MYEF2: variants seen among roughly 807,000 people sequenced by gnomAD.
MYEF2 encodes myelin expression factor 2.
MYEF2 carries 37 observed loss-of-function variants against 75.2 expected under a neutral mutation model. That is an observed-to-expected ratio of 0.49 (90% CI 0.38 to 0.65). The LOEUF (loss-of-function observed/expected upper bound fraction) is 0.65. Ranked by LOEUF, MYEF2 falls within the 30% of genes least tolerant of loss-of-function variation. The pLI is 0.00. For missense variants in MYEF2, 634 were observed against 771.4 expected (o/e 0.82, Z 2.11); for synonymous variants, 195 against 241.6 (o/e 0.81, Z 1.79).
chr15:48,165,328 G>A (rs1373278291), intron 5 of MYEF2, among the ~76,000 whole-genome samples: 3 of 152,054 alleles, frequency 2.0e-5, no homozygotes, highest in African/African-American at 7.2e-5. Context: ...TCATTCTCAA[G>A]GTTAAACTGT....
rs752641969 is a variant in MYEF2, at chr15:48,134,896, T to A, written c.*8012A>T. 3.7e-6 allele frequency: 6 copies of A among 1,610,810 alleles called. No homozygotes were observed. Among genetic ancestry groups the A allele is most frequent in the Admixed American group, 1.7e-5 (1 of 59,904 alleles). On this transcript the variant is annotated 3_prime_UTR_variant, in exon 17 of 17. Coordinates refer to ENST00000324324, the MANE Select transcript of MYEF2 (RefSeq NM_016132.5). ...TACCATATTACAGGTCTCAACACTA[T>A]CATGTTGGCCCCTATTCAGAGACTG... is the stretch of plus-strand genomic sequence containing the variant.
In MYEF2 at chr15:48,136,968, T is replaced by C. The variant is rs779623303; in HGVS notation, c.*5940A>G. The stretch of plus-strand genomic sequence containing the variant: ...GCCTTAGTCAGGTTTCTGAAGGTAA[T>C]CACTAAATCTTGCCCATTATTAAGT... On this transcript the variant is annotated 3_prime_UTR_variant, in exon 17 of 17. Transcript: ENST00000324324. 1 of 1,601,502 alleles carries C rather than the reference T, an allele frequency of 6.2e-7. No individual in the cohort carries two copies. Among genetic ancestry groups the C allele is most frequent in the Non-Finnish European group, 8.5e-7 (1 of 1,171,710 alleles).
At chr15:48,171,178 C>T (rs2040327975) in intron 1 of MYEF2, among the ~76,000 whole-genome samples, 1 of 152,180 alleles carries the variant, frequency 6.6e-6, no homozygotes, top group Non-Finnish European at 1.5e-5. Context: ...CCTTTCTTTT[C>T]AATTCCCAAA....
chr15:48,178,015 T>C (rs1196511909), intron 1 of MYEF2, 62 bp downstream of exon 1: 5 of 1,536,462 alleles, frequency 3.3e-6, no homozygotes, highest in Non-Finnish European at 3.5e-6. Context: ...GCCCGGCCTC[T>C]AGCCGCCCGG....
chr15:48,166,192 T>G, intron 3 of MYEF2, 64 bp from the exon 4 acceptor site: 2 of 1,304,008 alleles, frequency 1.5e-6, no homozygotes, highest in Non-Finnish European at 2.1e-6. Flanking sequence ...GTACATGAAG[T>G]TAATAATCAG....
At chr15:48,159,893 C>A in intron 5 of MYEF2, 89 bp from the exon 6 acceptor site, 9 of 1,318,902 alleles carry the variant, frequency 6.8e-6, no homozygotes, top group Non-Finnish European at 9.4e-6. Context: ...CAGTAGCTAT[C>A]CTGTCTGGCT....
intron 10 of MYEF2, chr15:48,153,579 T>C (rs890268160): frequency 3.0e-5 from 15 of 495,188 alleles, no homozygotes; most frequent in Non-Finnish European, 4.7e-5. Flanking sequence ...AGCTACAACA[T>C]AGCTGGCCCC....
At position 48,151,576 on chromosome 15, in the gene MYEF2, A is replaced by T; in HGVS notation, c.1208-5T>A. 6.3e-7 allele frequency: 1 copy of T among 1,598,866 alleles called. No homozygotes were observed. ...TCATCGCACCACGGTACAGCTCTGA[A>T]AAAATTGTGCAACAAATTAACCTTT... On this transcript the variant is annotated splice_region_variant and splice_polypyrimidine_tract_variant and intron_variant, in intron 12 of 16. Coordinates refer to ENST00000324324, the MANE Select transcript of MYEF2 (RefSeq NM_016132.5).
Position 48,139,079 on chromosome 15 carries a change from A to T in MYEF2, c.*3829T>A. The T allele has an allele frequency of 6.2e-7, 1 of 1,613,140 alleles. No individual in the cohort carries two copies. Among genetic ancestry groups the T allele is most frequent in the South Asian group, 1.1e-5 (1 of 91,038 alleles). On this transcript the variant is annotated 3_prime_UTR_variant, in exon 17 of 17. Coordinates refer to ENST00000324324, the MANE Select transcript of MYEF2 (RefSeq NM_016132.5). Reference sequence around the variant, plus strand: ...TCTAACCACACCAGATTGTAGAAAAAAGTTTTGGAAAAACTACTTTGTGAT... The same window carrying T: ...TCTAACCACACCAGATTGTAGAAAATAGTTTTGGAAAAACTACTTTGTGAT...
In MYEF2 at chr15:48,142,968, T is replaced by G; in HGVS notation, c.1743A>C (p.Ile581=). Residue 581 remains isoleucine (I), a synonymous_variant, in exon 17 of 17, where the codon ATA becomes ATC. Coordinates refer to ENST00000324324, the MANE Select transcript of MYEF2 (RefSeq NM_016132.5). ...TGCCACTGATTTTTATGCCATTCAT[T>G]ATTCTGCAGGCTTTTTCAGCTGATT... The part of the protein sequence containing the change: ...SPESAEKACR[I]MNGIKISGRE... 2 of 1,604,004 alleles carry G rather than the reference T, an allele frequency of 1.2e-6. No homozygotes were observed. Among genetic ancestry groups the G allele is most frequent in the South Asian group, 2.2e-5 (2 of 89,474 alleles).
In MYEF2 at chr15:48,151,918, G is replaced by T; in HGVS notation, c.1163C>A (p.Ala388Glu). Residue 388 changes from alanine to glutamate, a missense_variant, in exon 12 of 17, where the codon GCA becomes GAA. Coordinates refer to ENST00000324324, the MANE Select transcript of MYEF2 (RefSeq NM_016132.5). ...GGGIGFGGLEAMNSMGGFGGV... is the reference protein window; with the variant it reads ...GGGIGFGGLEEMNSMGGFGGV... ...TCCAAATCCTCCCATGCTATTCATT[G>T]CTTCCAGACCACCAAACCCTATTCC... The T allele has an allele frequency of 6.2e-7, 1 of 1,613,414 alleles. No homozygotes were observed. The highest frequency in any genetic ancestry group is 8.5e-7 in the Non-Finnish European group (1 of 1,179,562).
chr15:48,174,096 A>C (rs1252934583), intron 1 of MYEF2, among the ~76,000 whole-genome samples: 2 of 152,170 alleles, frequency 1.3e-5, no homozygotes, highest in Non-Finnish European at 2.9e-5. Context: ...GTTATATTAC[A>C]AATCTATAGT....
intron 1 of MYEF2, among the ~76,000 whole-genome samples, 171 bp from the exon 2 acceptor site, chr15:48,169,010 C>A (rs2040229841): frequency 6.6e-6 from 1 of 152,204 alleles, no homozygotes; most frequent in African/African-American, 2.4e-5. Flanking sequence ...TTACCCAATG[C>A]TATTTCAAAG....
At chr15:48,164,344 T>C (rs1264097209) in intron 5 of MYEF2, among the ~76,000 whole-genome samples, 1 of 152,114 alleles carries the variant, frequency 6.6e-6, no homozygotes, top group African/African-American at 2.4e-5. Flanking sequence ...AAGTGGATCC[T>C]GAAGATGTGA....
Position 48,168,725 on chromosome 15 carries a change from T to A in MYEF2, c.276A>T (p.Gly92=), listed in dbSNP as rs1183685339. 6.2e-7 allele frequency: 1 copy of A among 1,613,722 alleles called. No homozygotes were observed. The highest frequency in any genetic ancestry group is 1.3e-5 in the African/African-American group (1 of 74,924). ...TGTTACGATTTGGACCCTTCTTTTC[T>A]CCAGCGCCCGAATTCTTGTCTTTTG... The part of the protein sequence containing the change: ...PYSKDKNSGA[G]EKKGPNRNRV... The change falls in exon 2 of 17, where the codon GGA becomes GGT. Residue 92 remains glycine, a synonymous_variant. Transcript: ENST00000324324.
chr15:48,149,024 A>T lies in MYEF2; in HGVS notation c.1639+8T>A, dbSNP rs780952023. On this transcript the variant is annotated splice_region_variant and intron_variant, in intron 16 of 16. Transcript: ENST00000324324. The surrounding 1 kb of genome is among the most constrained non-coding windows in gnomAD (Gnocchi z 4.0). ...TATCAACATATCTGCAGTCATTTGCATACTTACCACACTGACTGAATTTCT... is the reference window on the plus strand; with the variant it reads ...TATCAACATATCTGCAGTCATTTGCTTACTTACCACACTGACTGAATTTCT... The T allele has an allele frequency of 1.2e-6, 2 of 1,612,688 alleles. No individual in the cohort carries two copies. Among genetic ancestry groups the T allele is most frequent in the South Asian group, 2.2e-5 (2 of 91,036 alleles).
rs368920676 is a variant in MYEF2, at chr15:48,165,952, C to T, written c.506G>A (p.Arg169Lys). Reference protein sequence around the residue: ...ETMNKYDLSGRPLNIKEDPDG... With the variant: ...ETMNKYDLSGKPLNIKEDPDG... Reference sequence around the variant, plus strand: ...TCTTACCTCTTTAATATTAAGGGGTCTTCCACTAAGATCATATTTGTTCAT... The same window carrying T: ...TCTTACCTCTTTAATATTAAGGGGTTTTCCACTAAGATCATATTTGTTCAT... The change falls in exon 5 of 17, where the codon AGA becomes AAA. Residue 169 changes from arginine (R) to lysine (K), a missense_variant. Coordinates refer to ENST00000324324, the MANE Select transcript of MYEF2 (RefSeq NM_016132.5). 9.5e-6 allele frequency: 15 copies of T among 1,570,962 alleles called. No homozygotes were observed. The highest frequency in any genetic ancestry group is 1.2e-5 in the Non-Finnish European group (14 of 1,152,688).
At chr15:48,159,902 C>T in intron 5 of MYEF2, 98 bp from the exon 6 acceptor site, 1 of 1,257,232 alleles carries the variant, frequency 8.0e-7, no homozygotes, top group Non-Finnish European at 1.1e-6. Flanking sequence ...TCCTGTCTGG[C>T]TCAAATTATT....
At chr15:48,165,784 G>A in intron 5 of MYEF2, 149 bp downstream of exon 5, 1 of 528,822 alleles carries the variant, frequency 1.9e-6, no homozygotes, top group South Asian at 3.5e-5. Flanking sequence ...TCATGTACAA[G>A]TAAAACTTTC....
Sources: allele counts gnomAD v4.1 joint callset (sites outside exome capture counted in the v4.1 genomes callset), GRCh38; gene constraint gnomAD v4.1.1; non-coding constraint Gnocchi (gnomAD v3.1); transcripts MANE v1.5; gene names NCBI Gene and HGNC (gene_info 2026-07-23, HGNC 2026-07-21).